The following SGCZ variants were observed in gnomAD, a reference collection of about 807,000 sequenced individuals.
SGCZ encodes the protein zeta-sarcoglycan.
A neutral mutation model predicts 41.3 loss-of-function variants in SGCZ; 40 were observed. The ratio of observed to expected loss-of-function variants is 0.97; its 90% CI spans 0.75 to 1.26. The LOEUF (loss-of-function observed/expected upper bound fraction) is 1.26, where lower values mean the gene tolerates loss of function less well. Ranked by LOEUF, SGCZ falls within the 50% of genes most tolerant of loss-of-function variation. The pLI, the probability that SGCZ is intolerant of heterozygous loss-of-function variation, is 0.00. For missense variants in SGCZ, 552 were observed against 369.8 expected, an observed-to-expected ratio of 1.49 and a Z score of -4.04; for synonymous variants, 206 against 137.5, an observed-to-expected ratio of 1.50 and a Z score of -3.49.
chr8:14,827,764 A>C (rs1802384562), intron 1 of SGCZ, among the ~76,000 whole-genome samples: 1 of 152,158 alleles, frequency 6.6e-6, no homozygotes, highest in Non-Finnish European at 1.5e-5. Flanking sequence ...TCTTTATATC[A>C]TTTAACTACA....
chr8:15,217,051 T>TA (rs1027921947), intron 1 of SGCZ, among the ~76,000 whole-genome samples: 2,483 of 145,190 alleles, frequency 0.017, 54 homozygotes, highest in African/African-American at 0.052. Context: ...CTTATATTCT[T>TA]AAAAAAAAAA....
At chr8:14,852,280 A>G (rs987764453) in intron 1 of SGCZ, among the ~76,000 whole-genome samples, 6 of 152,218 alleles carry the variant, frequency 3.9e-5, no homozygotes, top group Non-Finnish European at 7.3e-5. Context: ...AACCATCTGA[A>G]AGGTAGAAAT....
At chr8:14,275,776 C>A (rs936182195) in intron 3 of SGCZ, among the ~76,000 whole-genome samples, 2 of 152,136 alleles carry the variant, frequency 1.3e-5, no homozygotes, top group Non-Finnish European at 2.9e-5. Flanking sequence ...CCTTCTACTG[C>A]TGCTGGTGGC....
chr8:14,518,908 A>T (rs796342434), intron 2 of SGCZ, among the ~76,000 whole-genome samples: 22 of 150,900 alleles, frequency 1.5e-4, no homozygotes, highest in African/African-American at 4.9e-4. Context: ...AAAAAAAAAA[A>T]AAATACAAAA....
intron 1 of SGCZ, among the ~76,000 whole-genome samples, chr8:15,050,514 A>T (rs1435225603): frequency 6.6e-6 from 1 of 152,218 alleles, no homozygotes; most frequent in Non-Finnish European, 1.5e-5. Flanking sequence ...CAAAGAAGAC[A>T]ACATGTGACC....
chr8:14,813,876 C>T (rs759591635), intron 1 of SGCZ, among the ~76,000 whole-genome samples: 2 of 152,040 alleles, frequency 1.3e-5, no homozygotes, highest in Non-Finnish European at 2.9e-5. Flanking sequence ...TCACTTGAAC[C>T]CTGGAGGCAG....
intron 2 of SGCZ, among the ~76,000 whole-genome samples, chr8:14,387,695 G>T (rs543360773): frequency 6.6e-6 from 1 of 151,740 alleles, no homozygotes; most frequent in East Asian, 1.9e-4. Flanking sequence ...ATATGTTGAG[G>T]AGCACAAAAA....
intron 1 of SGCZ, among the ~76,000 whole-genome samples, chr8:14,842,878 G>A (rs1802974001): frequency 6.6e-6 from 1 of 152,158 alleles, no homozygotes; most frequent in African/African-American, 2.4e-5. Context: ...TTTGTCTGGA[G>A]CCATGCATTT....
At chr8:14,353,676 T>A (rs920572679) in intron 2 of SGCZ, among the ~76,000 whole-genome samples, 2 of 152,098 alleles carry the variant, frequency 1.3e-5, no homozygotes, top group Non-Finnish European at 2.9e-5. Flanking sequence ...AAAAATTACC[T>A]GAAATATTGT....
At position 14,094,375 on chromosome 8, in the gene SGCZ, G is replaced by A. The variant is rs541576724; in HGVS notation, c.745-3738C>T. ...CTCATTGTTCAACTCCCAATTAGGAGTACATGTGGTGTTTGGTTTTCTGTT... is the reference window on the plus strand; with the variant it reads ...CTCATTGTTCAACTCCCAATTAGGAATACATGTGGTGTTTGGTTTTCTGTT... On this transcript the variant is annotated intron_variant, in intron 7 of 7. Coordinates refer to ENST00000382080, the MANE Select transcript of SGCZ (RefSeq NM_139167.4). Among the ~76,000 whole-genome samples the A allele has an allele frequency of 3.9e-5, 6 of 152,130 alleles. No homozygotes were observed. The East Asian group carries it at 9.7e-4, about 25-fold the overall frequency.
intron 2 of SGCZ, among the ~76,000 whole-genome samples, chr8:14,469,071 A>G (rs1801135324): frequency 6.6e-6 from 1 of 151,982 alleles, no homozygotes. Flanking sequence ...ACCAAAATGG[A>G]TTATTTCAAA....
At chr8:14,648,729 T>C in intron 1 of SGCZ, among the ~76,000 whole-genome samples, 1 of 151,994 alleles carries the variant, frequency 6.6e-6, no homozygotes, top group East Asian at 1.9e-4. Flanking sequence ...GACGGCCGAG[T>C]GTCTAGGCTA....
chr8:14,747,330 G>A (rs190185465), intron 1 of SGCZ, among the ~76,000 whole-genome samples: 1 of 152,268 alleles, frequency 6.6e-6, no homozygotes, highest in East Asian at 1.9e-4. Context: ...ACACAACACA[G>A]TGGCTGAAGC....
intron 1 of SGCZ, among the ~76,000 whole-genome samples, chr8:14,583,475 A>G (rs1267101582): frequency 6.6e-6 from 1 of 151,936 alleles, no homozygotes; most frequent in Non-Finnish European, 1.5e-5. Context: ...CTCTGATGGT[A>G]GTTTCTTTTG....
chr8:15,160,009 T>G (rs1799463308), intron 1 of SGCZ, among the ~76,000 whole-genome samples: 1 of 151,932 alleles, frequency 6.6e-6, no homozygotes, highest in Admixed American at 6.6e-5. Context: ...TTGTTGTTTT[T>G]CACTTTTAAT....
At chr8:14,669,645 G>A (rs1808037048) in intron 1 of SGCZ, among the ~76,000 whole-genome samples, 1 of 150,866 alleles carries the variant, frequency 6.6e-6, no homozygotes. Flanking sequence ...ATCACAAATG[G>A]CAGCACTTGC....
At chr8:14,710,124 T>G (rs1335184625) in intron 1 of SGCZ, among the ~76,000 whole-genome samples, 1 of 151,940 alleles carries the variant, frequency 6.6e-6, no homozygotes, top group Non-Finnish European at 1.5e-5. Flanking sequence ...CCCAGCACTC[T>G]GGGAGGCCGA....
chr8:15,053,602 G>T (rs1330096997), intron 1 of SGCZ, among the ~76,000 whole-genome samples: 1 of 151,950 alleles, frequency 6.6e-6, no homozygotes, highest in East Asian at 1.9e-4. Flanking sequence ...AGTTTCATGA[G>T]ATTTACTAAT....
intron 1 of SGCZ, among the ~76,000 whole-genome samples, chr8:15,113,892 C>A (rs1169767606): frequency 6.6e-6 from 1 of 152,114 alleles, no homozygotes; most frequent in East Asian, 1.9e-4. Flanking sequence ...CTTTTTGTTC[C>A]ATCATAGAAA....
Sources: gnomAD v4.1 joint callset for allele counts (sites outside exome capture counted in the v4.1 genomes callset) on GRCh38, gnomAD v4.1.1 for gene constraint, MANE v1.5 for transcripts, NCBI Gene and HGNC (gene_info 2026-07-23, HGNC 2026-07-21) for gene names.